The following ABCB11 variants were observed in gnomAD, a reference collection of about 807,000 sequenced individuals.
ABCB11 encodes ATP binding cassette subfamily B member 11, also known as bile salt export pump.
ABCB11 carries 95 observed loss-of-function variants against 148.0 expected under a neutral mutation model. The observed-to-expected ratio is 0.64, with a 90% confidence interval of 0.54 to 0.76. The LOEUF is 0.76. ABCB11 is among the 30% of genes least tolerant of loss of function. The pLI, the probability that ABCB11 is intolerant of heterozygous loss-of-function variation, is 0.00. For synonymous variants in ABCB11, 591 were observed against 555.4 expected (o/e 1.06, Z -0.90); for missense variants, 1,523 against 1,617.8 (o/e 0.94, Z 1.01).
At chr2:168,934,863 G>C (rs1244076559) in intron 23 of ABCB11, among the ~76,000 whole-genome samples, 1 of 152,166 alleles carries the variant, frequency 6.6e-6, no homozygotes, top group African/African-American at 2.4e-5. Flanking sequence ...TTTGCGTGGA[G>C]AGACTTGAAA....
At chr2:169,013,213 T>C in intron 5 of ABCB11, 59 bp downstream of exon 5, 1 of 1,332,072 alleles carries the variant, frequency 7.5e-7, no homozygotes, top group Non-Finnish European at 1.0e-6. Context: ...CTATACATTT[T>C]GAATTACAAT....
intron 5 of ABCB11, among the ~76,000 whole-genome samples, chr2:168,997,665 T>C (rs192341273): frequency 2.1e-4 from 32 of 152,162 alleles, no homozygotes. Context: ...TCCTACATCC[T>C]TTCCGCTCTC....
At chr2:168,950,138 T>TAC (rs1272002958) in intron 19 of ABCB11, among the ~76,000 whole-genome samples, 3,577 of 102,350 alleles carry the variant, frequency 0.035, 150 homozygotes, top group African/African-American at 0.097. Context: ...CATATATATA[T>TAC]ATACACACAC....
intron 21 of ABCB11, among the ~76,000 whole-genome samples, chr2:168,939,501 T>C (rs1294687489): frequency 1.3e-5 from 2 of 152,110 alleles, no homozygotes; most frequent in African/African-American, 4.8e-5. Flanking sequence ...TAATATTTAT[T>C]ATAAATGCTT....
chr2:168,981,137 A>G (rs1694123082), intron 10 of ABCB11, among the ~76,000 whole-genome samples: 1 of 152,176 alleles, frequency 6.6e-6, no homozygotes, highest in African/African-American at 2.4e-5. Context: ...AAATTGCCTG[A>G]GTCTCTCCTG....
intron 7 of ABCB11, among the ~76,000 whole-genome samples, chr2:168,994,215 C>A (rs920586188): frequency 6.6e-6 from 1 of 152,046 alleles, no homozygotes; most frequent in Non-Finnish European, 1.5e-5. Flanking sequence ...TTCTTCATGC[C>A]TGCTGAATCC....
intron 19 of ABCB11, among the ~76,000 whole-genome samples, chr2:168,950,206 G>A (rs1488506618): frequency 6.8e-6 from 1 of 147,420 alleles, no homozygotes; most frequent in Admixed American, 6.8e-5. Context: ...CTATAAATAT[G>A]TATATATATG....
chr2:169,029,663 A>C (rs1219792554), intron 1 of ABCB11, among the ~76,000 whole-genome samples: 1 of 151,522 alleles, frequency 6.6e-6, no homozygotes. Flanking sequence ...AGAAAACAGA[A>C]TGTAACACCA....
At chr2:168,929,869 CAG>C (rs1691487512) in intron 25 of ABCB11, among the ~76,000 whole-genome samples, 1 of 151,926 alleles carries the variant, frequency 6.6e-6, no homozygotes, top group Non-Finnish European at 1.5e-5. Flanking sequence ...GAATAAATCA[CAG>C]AGAGTCTAAA....
chr2:168,973,891 C>G (rs1693705393), intron 12 of ABCB11, 51 bp from the exon 13 acceptor site: 2 of 1,595,754 alleles, frequency 1.3e-6, no homozygotes, highest in African/African-American at 1.3e-5. Flanking sequence ...TTTACCAAAT[C>G]AAACAATTAG....
At position 168,944,619 on chromosome 2, in the gene ABCB11, A is replaced by G; in HGVS notation, c.2596T>C (p.Ser866Pro). 1 of 1,605,166 alleles carries G rather than the reference A, an allele frequency of 6.2e-7. No homozygotes were observed. The highest frequency in any genetic ancestry group is 1.1e-5 in the South Asian group (1 of 89,674). The change falls in exon 21 of 28, where the codon TCC becomes CCC. Residue 866 changes from serine to proline, a missense_variant. Physicochemically the swap from Ser to Pro is moderately conservative, Grantham distance 74 (BLOSUM62 -1). Transcript: ENST00000650372. Reference protein sequence around the residue: ...ALTTRLATDASQVQGAAGSQI... With the variant: ...ALTTRLATDAPQVQGAAGSQI... ...CCATAGCTCACCCCTTGAACTTGGG[A>G]AGCATCTGTAGCAAGTCTTGTTGTC...
At chr2:169,018,259 A>T in intron 1 of ABCB11, 107 bp from the exon 2 acceptor site, 1 of 999,450 alleles carries the variant, frequency 1.0e-6, no homozygotes, top group Non-Finnish European at 1.5e-6. Flanking sequence ...ATCTTTACTA[A>T]TCAATCTCAG....
At chr2:168,963,668 C>A (rs1009478407) in intron 18 of ABCB11, among the ~76,000 whole-genome samples, 3 of 151,686 alleles carry the variant, frequency 2.0e-5, no homozygotes, top group African/African-American at 7.2e-5. Flanking sequence ...ATCTTAAAAC[C>A]ATTATAAAAA....
intron 17 of ABCB11, among the ~76,000 whole-genome samples, chr2:168,965,117 G>A (rs983249930): frequency 6.6e-6 from 1 of 151,972 alleles, no homozygotes; most frequent in South Asian, 2.1e-4. Context: ...TGTTACCAAG[G>A]CAAGATTCAT....
chr2:169,022,454 G>A (rs1695567133), intron 1 of ABCB11, among the ~76,000 whole-genome samples: 1 of 151,772 alleles, frequency 6.6e-6, no homozygotes, highest in South Asian at 2.1e-4. Flanking sequence ...TGAAAACCAG[G>A]TTAAGATTAA....
At chr2:169,007,964 G>A (rs572671383) in intron 5 of ABCB11, among the ~76,000 whole-genome samples, 1 of 152,138 alleles carries the variant, frequency 6.6e-6, no homozygotes, top group South Asian at 2.1e-4. Flanking sequence ...TTTTAAAAAG[G>A]GCTGAATACA....
intron 18 of ABCB11, among the ~76,000 whole-genome samples, chr2:168,961,639 A>G (rs1346015948): frequency 6.6e-6 from 1 of 151,776 alleles, no homozygotes; most frequent in African/African-American, 2.4e-5. Flanking sequence ...CCTAAACTTA[A>G]TGTTGTCAAC....
chr2:168,995,129 A>G (rs1694671285), intron 7 of ABCB11, among the ~76,000 whole-genome samples: 1 of 151,994 alleles, frequency 6.6e-6, no homozygotes, highest in Non-Finnish European at 1.5e-5. Context: ...TATTTTAATT[A>G]AGGTCTACAC....
In ABCB11 at chr2:168,969,984, T is replaced by A. The variant is rs1297148425; in HGVS notation, c.1809+61A>T. The A allele has an allele frequency of 4.8e-5, 73 of 1,507,262 alleles. 1 individual carries two copies. In the South Asian group the frequency reaches 7.7e-4, roughly 16 times the overall value. 93.4% of individuals were successfully genotyped at this position (1,507,262 alleles called of 1,614,324 possible). A position where few individuals can be genotyped will look rare whatever the true frequency, so the allele number is the denominator to read the frequency against. On this transcript the variant is annotated intron_variant, in intron 15 of 27. Transcript: ENST00000650372. ...CTCCCACCCCACAAGGAGCTGCCTT[T>A]CCTGCAGCAGCACAAGCATTTCCAC...
Sources: allele counts gnomAD v4.1 joint callset (sites outside exome capture counted in the v4.1 genomes callset), GRCh38; gene constraint gnomAD v4.1.1; transcripts MANE v1.5; gene names NCBI Gene and HGNC (gene_info 2026-07-23, HGNC 2026-07-21).